RYR1: variants seen among roughly 807,000 people sequenced by gnomAD.
RYR1 encodes the protein central core disease of muscle.
In RYR1, 342 loss-of-function variants were observed where a neutral mutation model predicts 583.5. The ratio of observed to expected loss-of-function variants is 0.59; its 90% CI spans 0.54 to 0.64. The LOEUF (loss-of-function observed/expected upper bound fraction) is 0.64, where lower values mean the gene tolerates loss of function less well. Among genes scored for constraint, RYR1 ranks in the 30% least tolerant of loss-of-function variants. The pLI is 0.00. For synonymous variants in RYR1, 2,791 were observed against 2,822.5 expected (o/e 0.99, Z 0.35); for missense variants, 6,032 against 6,917.2 (o/e 0.87, Z 4.54).
Position 38,444,677 on chromosome 19 carries a change from G to A in RYR1, c.631G>A (p.Gly211Ser), listed in dbSNP as rs1281318820. The A allele has an allele frequency of 3.1e-6, 5 of 1,611,458 alleles. No homozygotes were observed. Among genetic ancestry groups the A allele is most frequent in the Non-Finnish European group, 3.4e-6 (4 of 1,178,868 alleles). ...MNPICSRCEE[G>S]FVTGGHVLRL... is the part of the protein sequence containing the mutation. ...CCCCATCTGCTCCCGCTGCGAAGAG[G>A]GTGAGGGCCCCAGACCTCCCCCTAA... is the stretch of plus-strand genomic sequence containing the variant. Residue 211 changes from glycine to serine, a missense_variant and splice_region_variant, in exon 7 of 106, where the codon GGC becomes AGC. Coordinates refer to ENST00000359596, the MANE Select transcript of RYR1 (RefSeq NM_000540.3). The surrounding 1 kb of genome is among the most constrained non-coding windows in gnomAD (Gnocchi z 5.1).
chr19:38,502,533 G>C lies in RYR1; in HGVS notation c.7641G>C (p.Ala2547=), dbSNP rs1970173742. The C allele has an allele frequency of 2.5e-6, 4 of 1,609,416 alleles. No individual in the cohort carries two copies. The highest frequency in any genetic ancestry group is 3.4e-6 in the Non-Finnish European group (4 of 1,179,786). The change falls in exon 48 of 106, where the codon GCG becomes GCC. Residue 2547 remains alanine, a synonymous_variant. Coordinates refer to ENST00000359596, the MANE Select transcript of RYR1 (RefSeq NM_000540.3). ...DTATFSTTEM[A]LALNRYLCLA... ...CCACTTTCAGCACCACCGAGATGGC[G>C]CTGGCGCTGAACCGCTACCTGTGCC...
At chr19:38,528,808 G>A in intron 75 of RYR1, 113 bp downstream of exon 75, 1 of 1,432,686 alleles carries the variant, frequency 7.0e-7, no homozygotes, top group South Asian at 1.2e-5. Context: ...GTATAGAAAT[G>A]CCAGCTCCTG....
In RYR1 at chr19:38,500,632, C is replaced by T. The variant is rs1469096661; in HGVS notation, c.7350C>T (p.Ala2450=). ...TAATCCAAGCCGGCAAGGGTGAGGC[C>T]CTGCGGATCCGCGCCATCCTCCGCT... ...MHLIQAGKGE[A]LRIRAILRSL... The change falls in exon 46 of 106, where the codon GCC becomes GCT. Residue 2450 remains alanine, a synonymous_variant. Transcript: ENST00000359596. This position sits in a 1 kb window ranked among gnomAD's most constrained non-coding sequence, Gnocchi z 5.9. 1 of 1,613,452 alleles carries T rather than the reference C, an allele frequency of 6.2e-7. No individual in the cohort carries two copies. Among genetic ancestry groups the T allele is most frequent in the Non-Finnish European group, 8.5e-7 (1 of 1,180,016 alleles).
In RYR1 at chr19:38,565,362, C is replaced by T; in HGVS notation, c.13028C>T (p.Ala4343Val). 1 of 1,314,070 alleles carries T rather than the reference C, an allele frequency of 7.6e-7. No homozygotes were observed. The highest frequency in any genetic ancestry group is 9.6e-7 in the Non-Finnish European group (1 of 1,041,746). 81.4% of individuals were successfully genotyped at this position (1,314,070 alleles called of 1,614,324 possible). The change falls in exon 91 of 106, where the codon GCT (alanine) becomes GTT (valine). Residue 4343 changes from alanine (A) to valine (V), a missense_variant. Ala to Val is a moderately conservative substitution (Grantham distance 64). Around this residue, in one of 11 missense-constraint regions of RYR1, gnomAD observed 753 missense variants for 759.6 expected, o/e 0.99. Coordinates refer to ENST00000359596, the MANE Select transcript of RYR1 (RefSeq NM_000540.3). This position sits in a 1 kb window ranked among gnomAD's most constrained non-coding sequence, Gnocchi z 4.7. ...CTGCTCTGGGCAGCAGTGACGCGCG[C>T]TGGGGCCGCTGGCGCGGGGGCGGCG... ...AALLWAAVTR[A>V]GAAGAGAAAG...
intron 88 of RYR1, among the ~76,000 whole-genome samples, chr19:38,546,968 A>G (rs1000434559): frequency 6.6e-5 from 10 of 150,810 alleles, no homozygotes; most frequent in African/African-American, 1.2e-4. Context: ...ACAAACCCCA[A>G]AAACAAACCA....
In RYR1 at chr19:38,506,563, C is replaced by A. The variant is rs1248603922; in HGVS notation, c.8692+17C>A. ...AAGCCAAAGGTGAGGGCGCCCATGC[C>A]GCCCCCACGCTACCCCCGTGGATTC... On this transcript the variant is annotated intron_variant, in intron 56 of 105. Coordinates refer to ENST00000359596, the MANE Select transcript of RYR1 (RefSeq NM_000540.3). The A allele has an allele frequency of 6.2e-7, 1 of 1,613,310 alleles. No homozygotes were observed. The highest frequency in any genetic ancestry group is 1.7e-5 in the Admixed American group (1 of 59,998).
intron 84 of RYR1, among the ~76,000 whole-genome samples, chr19:38,541,663 C>T (rs1393779640): frequency 6.6e-6 from 1 of 151,986 alleles, no homozygotes; most frequent in Non-Finnish European, 1.5e-5. Context: ...TTGCAGTGAA[C>T]TGAGATCATG....
chr19:38,567,775 C>G lies in RYR1; in HGVS notation c.13517C>G (p.Ala4506Gly). The G allele has an allele frequency of 6.2e-7, 1 of 1,614,170 alleles. No homozygotes were observed. Among genetic ancestry groups the G allele is most frequent in the Non-Finnish European group, 8.5e-7 (1 of 1,180,036 alleles). The part of the protein sequence containing the change: ...EPELEPEKAD[A>G]ENGEKEEVPE... ...CCTCTCTCTGTCCTGCCCTGCAGTG[C>G]CGAGAATGGGGAGAAGGAAGAAGTT... Residue 4506 changes from alanine (A) to glycine (G), a missense_variant and splice_region_variant, in exon 93 of 106, where the codon GCC becomes GGC. By Grantham distance (60) the Ala-to-Gly change is moderately conservative. Around this residue, in one of 11 missense-constraint regions of RYR1, gnomAD observed 753 missense variants for 759.6 expected, o/e 0.99. Transcript: ENST00000359596.
At chr19:38,505,121 C>G in intron 52 of RYR1, 40 bp downstream of exon 52, 1 of 1,562,564 alleles carries the variant, frequency 6.4e-7, no homozygotes, top group Non-Finnish European at 8.8e-7. Context: ...ACCCTCAAGA[C>G]CCCAGCTTTC....
At chr19:38,550,107 C>A (rs373097082) in intron 89 of RYR1, among the ~76,000 whole-genome samples, 8 of 152,080 alleles carry the variant, frequency 5.3e-5, no homozygotes, top group Admixed American at 4.6e-4. Context: ...AGAACAAATT[C>A]ATTCTCCTAC....
chr19:38,529,152 G>T (rs1971619670), intron 76 of RYR1, 95 bp downstream of exon 76: 2 of 1,241,268 alleles, frequency 1.6e-6, no homozygotes, highest in South Asian at 2.5e-5. Context: ...AGGCCCTCCA[G>T]GTCCTGGGGG....
chr19:38,442,200 G>T, intron 2 of RYR1, 149 bp from the exon 3 acceptor site: 1 of 660,516 alleles, frequency 1.5e-6, no homozygotes, highest in Admixed American at 2.2e-5. Flanking sequence ...GAGGGGGATG[G>T]CAGAGGGCAG....
At position 38,500,865 on chromosome 19, in the gene RYR1, G is replaced by A. The variant is rs1430162222; in HGVS notation, c.7489G>A (p.Asp2497Asn). Residue 2497 changes from aspartate to asparagine, a missense_variant, in exon 47 of 106, where the codon GAC (aspartate) becomes AAC (asparagine). By Grantham distance (23) the Asp-to-Asn change is conservative (BLOSUM62 1). Coordinates refer to ENST00000359596, the MANE Select transcript of RYR1 (RefSeq NM_000540.3). This position sits in a 1 kb window ranked among gnomAD's most constrained non-coding sequence, Gnocchi z 5.9. ...AAAGATGTCAGCATCCTTCGTGCCG[G>A]ACCACAAGGCGTCCATGGTGCTCTT... ...QPKMSASFVP[D>N]HKASMVLFLD... 1 of 1,614,140 alleles carries A rather than the reference G, an allele frequency of 6.2e-7. No homozygotes were observed. The highest frequency in any genetic ancestry group is 1.1e-5 in the South Asian group (1 of 91,092).
In RYR1 at chr19:38,466,257, C is replaced by T. The variant is rs1968097908; in HGVS notation, c.3037C>T (p.Pro1013Ser). Reference sequence around the variant, plus strand: ...GAGCTACAGCGCAGTGCAGGACATCCCAGCGCGCCGAAACCCTCGGCTGGT... The same window carrying T: ...GAGCTACAGCGCAGTGCAGGACATCTCAGCGCGCCGAAACCCTCGGCTGGT... ...GWSYSAVQDI[P>S]ARRNPRLVPY... Residue 1013 changes from proline to serine, a missense_variant, in exon 24 of 106, where the codon CCA (proline) becomes TCA (serine). Around this residue, in one of 11 missense-constraint regions of RYR1, gnomAD observed 2,627 missense variants for 2,961.3 expected, o/e 0.89. Coordinates refer to ENST00000359596, the MANE Select transcript of RYR1 (RefSeq NM_000540.3). 6.2e-7 allele frequency: 1 copy of T among 1,613,136 alleles called. No homozygotes were observed. The highest frequency in any genetic ancestry group is 1.7e-5 in the Admixed American group (1 of 59,984).
At chr19:38,494,707 C>A (rs1969727797) in intron 39 of RYR1, 82 bp downstream of exon 39, 5 of 1,554,774 alleles carry the variant, frequency 3.2e-6, no homozygotes, top group Non-Finnish European at 2.6e-6. Context: ...TTCCCTTCCC[C>A]AACTTCTGGC....
intron 89 of RYR1, among the ~76,000 whole-genome samples, chr19:38,554,985 G>T (rs1367656046): frequency 6.6e-6 from 1 of 152,038 alleles, no homozygotes; most frequent in African/African-American, 2.4e-5. Context: ...GAATTATGAA[G>T]CCATCCCTGC....
intron 7 of RYR1, among the ~76,000 whole-genome samples, chr19:38,445,931 G>A (rs1475622177): frequency 6.6e-6 from 1 of 152,076 alleles, no homozygotes; most frequent in Non-Finnish European, 1.5e-5. Flanking sequence ...AGGTTGCAGT[G>A]AGCCAAGATT....
At chr19:38,529,149 C>T (rs889856775) in intron 76 of RYR1, 92 bp downstream of exon 76, 3 of 1,300,834 alleles carry the variant, frequency 2.3e-6, no homozygotes, top group African/African-American at 2.9e-5. Context: ...GAGAGGCCCT[C>T]CAGGTCCTGG....
chr19:38,563,732 G>T (rs1973259152), intron 90 of RYR1, among the ~76,000 whole-genome samples: 1 of 152,236 alleles, frequency 6.6e-6, no homozygotes. Context: ...CTACTCAGTG[G>T]CAGAATCAGG....
Sources: gnomAD v4.1 joint callset for allele counts (sites outside exome capture counted in the v4.1 genomes callset) on GRCh38, gnomAD v4.1.1 for gene constraint, gnomAD v4.1.1 regional missense constraint, Gnocchi (gnomAD v3.1) non-coding constraint, MANE v1.5 for transcripts, NCBI Gene and HGNC (gene_info 2026-07-23, HGNC 2026-07-21) for gene names.